ZYG11B: variants seen among roughly 807,000 people sequenced by gnomAD.
The protein encoded by ZYG11B is protein zyg-11 homolog B.
ZYG11B carries 36 observed loss-of-function variants against 82.4 expected under a neutral mutation model. That is an observed-to-expected ratio of 0.44 (90% confidence interval 0.33 to 0.58). The LOEUF (loss-of-function observed/expected upper bound fraction) is 0.58. ZYG11B is among the 20% of genes least tolerant of loss of function. The pLI is 0.02. For synonymous variants in ZYG11B, 303 were observed against 312.8 expected (o/e 0.97, Z 0.33); for missense variants, 552 against 895.6 (o/e 0.62, Z 4.90).
rs546937697 is a variant in ZYG11B at position 52,826,634 on chromosome 1, C to T, written c.*5005C>T. 1 of 152,270 alleles carries T rather than the reference C, an allele frequency of 6.6e-6. No individual in the cohort carries two copies. Among genetic ancestry groups the T allele is most frequent in the African/African-American group, 2.4e-5 (1 of 41,558 alleles). The allele number at this position is 152,270 out of a possible 1,614,324, so 9.4% of individuals were successfully genotyped here. ...GAGACTTTTCTTCCTGTTTTTCTCT[C>T]TCCCCATTTTTTGGGGTAAGTTTTG... On this transcript the variant is annotated 3_prime_UTR_variant, in exon 14 of 14. Transcript: ENST00000294353.
intron 5 of ZYG11B, among the ~76,000 whole-genome samples, chr1:52,789,696 T>A (rs1644940183): frequency 6.6e-6 from 1 of 152,172 alleles, no homozygotes; most frequent in African/African-American, 2.4e-5. Context: ...GTTTTTGTCA[T>A]GCTCTCTATC....
chr1:52,729,322 A>G (rs978649889), intron 1 of ZYG11B, among the ~76,000 whole-genome samples: 2 of 87,266 alleles, frequency 2.3e-5, no homozygotes, highest in African/African-American at 1.6e-4. Flanking sequence ...TTAGGGAGAC[A>G]GAATTCAGAC....
In ZYG11B at chr1:52,822,063, T is replaced by C. The variant is rs1272667674; in HGVS notation, c.*434T>C. On this transcript the variant is annotated 3_prime_UTR_variant, in exon 14 of 14. Transcript: ENST00000294353. Reference sequence around the variant, plus strand: ...CTGCTTCTGTATAAAATGCCTTTCTTCTCTATCTGTGTATATTTTATAAGA... The same window carrying C: ...CTGCTTCTGTATAAAATGCCTTTCTCCTCTATCTGTGTATATTTTATAAGA... The C allele has an allele frequency of 6.5e-6, 1 of 153,858 alleles. No homozygotes were observed. The highest frequency in any genetic ancestry group is 6.5e-5 in the Admixed American group (1 of 15,368). The allele number at this position is 153,858 out of a possible 1,614,324, so 9.5% of individuals were successfully genotyped here.
chr1:52,803,231 T>C lies in ZYG11B; in HGVS notation c.1695+1092T>C, dbSNP rs1171465480. On this transcript the variant is annotated intron_variant, in intron 10 of 13. Transcript: ENST00000294353. ...ACACACATATATATATATACACACA[T>C]ATATATATACACACACACATATATA... is the stretch of plus-strand genomic sequence containing the variant. Among the ~76,000 whole-genome samples, 5 of 65,468 alleles carry C rather than the reference T, an allele frequency of 7.6e-5. 1 individual carries two copies. The highest frequency in any genetic ancestry group is 1.5e-4 in the African/African-American group (1 of 6,728). The allele number at this position is 65,468 out of a possible 152,430, so 42.9% of individuals were successfully genotyped here.
intron 1 of ZYG11B, among the ~76,000 whole-genome samples, chr1:52,747,206 T>C (rs1644484701): frequency 6.6e-6 from 1 of 152,150 alleles, no homozygotes; most frequent in South Asian, 2.1e-4. Flanking sequence ...CCAGATGTTA[T>C]ACTAGGTTCT....
chr1:52,803,237 TATACAC>T lies in ZYG11B; in HGVS notation c.1695+1100_1695+1105del, dbSNP rs1207047624. Among the ~76,000 whole-genome samples, 3 of 68,594 alleles carry T rather than the reference TATACAC, an allele frequency of 4.4e-5. 1 individual carries two copies. Among genetic ancestry groups the T allele is most frequent in the African/African-American group, 1.9e-4 (2 of 10,390 alleles). The allele number at this position is 68,594 out of a possible 152,430, so 45.0% of individuals were successfully genotyped here. On this transcript the variant is annotated intron_variant, in intron 10 of 13. Transcript: ENST00000294353. ...ATATATATATATACACACATATATA[TATACAC>T]ACACACATATATATATATATATACA...
At chr1:52,772,065 A>G (rs1362770898) in intron 3 of ZYG11B, 2 of 729,598 alleles carry the variant, frequency 2.7e-6, no homozygotes, top group Non-Finnish European at 4.7e-6. Context: ...GGTCCTGGCT[A>G]AACAATAGGT....
intron 3 of ZYG11B, chr1:52,772,579 T>C: frequency 3.2e-6 from 5 of 1,581,038 alleles, no homozygotes; most frequent in East Asian, 2.2e-5. Flanking sequence ...TTCAACCAAG[T>C]GGGGAAGCTG....
chr1:52,734,323 G>A (rs184838653), intron 1 of ZYG11B, among the ~76,000 whole-genome samples: 55 of 152,166 alleles, frequency 3.6e-4, no homozygotes, highest in Admixed American at 7.9e-4. Context: ...ATGTGAGCCT[G>A]TAGATGAATT....
chr1:52,813,620 G>A lies in ZYG11B; in HGVS notation c.1780G>A (p.Val594Met). 2 of 1,614,012 alleles carry A rather than the reference G, an allele frequency of 1.2e-6. No individual in the cohort carries two copies. Among genetic ancestry groups the A allele is most frequent in the Non-Finnish European group, 1.7e-6 (2 of 1,179,980 alleles). Residue 594 changes from valine (V) to methionine (M), a missense_variant, in exon 11 of 14, where the codon GTG (valine) becomes ATG (methionine). Transcript: ENST00000294353. ...CCACATCAGTAGTCTCCTACACAGT[G>A]TGGAAGTGGAAGTCAGTTACTTTGC... ...IDHISSLLHS[V>M]EVEVSYFAAG...
intron 1 of ZYG11B, among the ~76,000 whole-genome samples, chr1:52,747,049 GT>G (rs943504139): frequency 6.6e-6 from 1 of 151,450 alleles, no homozygotes; most frequent in African/African-American, 2.4e-5. Flanking sequence ...TTATTTCTGA[GT>G]TCCAGCATCC....
At chr1:52,819,071 C>T (rs1475267672) in intron 13 of ZYG11B, among the ~76,000 whole-genome samples, 1 of 152,122 alleles carries the variant, frequency 6.6e-6, no homozygotes, top group African/African-American at 2.4e-5. Context: ...GCCACCGCAC[C>T]CAGCTCCTTC....
At chr1:52,739,631 TG>T (rs1248779777) in intron 1 of ZYG11B, among the ~76,000 whole-genome samples, 2 of 150,328 alleles carry the variant, frequency 1.3e-5, no homozygotes, top group Non-Finnish European at 2.9e-5. Context: ...TATTTTAATT[TG>T]TTTTTTTTTG....
intron 8 of ZYG11B, among the ~76,000 whole-genome samples, chr1:52,800,631 A>C (rs921160194): frequency 6.6e-6 from 1 of 152,034 alleles, no homozygotes; most frequent in Non-Finnish European, 1.5e-5. Flanking sequence ...CAACATGGTG[A>C]AACGCCATCT....
intron 5 of ZYG11B, among the ~76,000 whole-genome samples, chr1:52,789,576 T>G (rs1326888564): frequency 6.6e-6 from 1 of 152,186 alleles, no homozygotes; most frequent in African/African-American, 2.4e-5. Context: ...TCAGTCACTC[T>G]TTAGAGGCCA....
chr1:52,783,829 T>G (rs376031488), intron 4 of ZYG11B, among the ~76,000 whole-genome samples: 1 of 46,866 alleles, frequency 2.1e-5, no homozygotes, highest in Non-Finnish European at 4.1e-5. Flanking sequence ...TATGTATACA[T>G]ACGTGTGTAT....
chr1:52,772,160 ACAAT>A, intron 3 of ZYG11B: 1 of 1,380,316 alleles, frequency 7.2e-7, no homozygotes, highest in Non-Finnish European at 1.0e-6. Flanking sequence ...TTTTAGTTAA[ACAAT>A]CATTTTATTG....
chr1:52,756,311 A>G, intron 1 of ZYG11B, 147 bp from the exon 2 acceptor site: 1 of 662,768 alleles, frequency 1.5e-6, no homozygotes, highest in Non-Finnish European at 2.5e-6. Context: ...CACAGATTGT[A>G]TTCCACTGCC....
intron 10 of ZYG11B, among the ~76,000 whole-genome samples, chr1:52,803,109 T>TATATACAC (rs1645095385): frequency 1.1e-5 from 1 of 90,630 alleles, no homozygotes. Flanking sequence ...CATATATATA[T>TATATACAC]ATATATATAC....
Sources: gnomAD v4.1 joint callset for allele counts (sites outside exome capture counted in the v4.1 genomes callset) on GRCh38, gnomAD v4.1.1 for gene constraint, MANE v1.5 for transcripts, NCBI Gene and HGNC (gene_info 2026-07-23, HGNC 2026-07-21) for gene names.